The following EXOC1L variants were observed in gnomAD, a reference collection of about 807,000 sequenced individuals.
EXOC1L encodes the protein exocyst complex component 1-like.
Under a neutral mutation model 4.9 loss-of-function variants are expected in EXOC1L, and 10 were observed. The observed-to-expected ratio is 2.02, with a 90% CI of 1.25 to 3.43. EXOC1L has a LOEUF of 3.43. Ranked by LOEUF, EXOC1L falls within the 30% of genes most tolerant of loss-of-function variation. EXOC1L has a pLI of 0.00. For missense variants in EXOC1L, 114 were observed against 59.4 expected (o/e 1.92, Z -3.02); for synonymous variants, 41 against 20.8 (o/e 1.97, Z -2.63).
chr4:55,819,804 G>T lies in EXOC1L; in HGVS notation c.-223G>T. 2 of 325,202 alleles carry T rather than the reference G, an allele frequency of 6.2e-6. 1 individual carries two copies. Among genetic ancestry groups the T allele is most frequent in the East Asian group, 9.5e-5 (2 of 21,132 alleles). 20.1% of individuals were successfully genotyped at this position (325,202 alleles called of 1,614,324 possible). A position where few individuals can be genotyped will look rare whatever the true frequency, so the allele number is the denominator to read the frequency against. On this transcript the variant is annotated 5_prime_UTR_variant, in exon 1 of 3. Coordinates refer to ENST00000636125, the MANE Select transcript of EXOC1L (RefSeq NM_001351574.3). Reference sequence around the variant, plus strand: ...AGGCTGCTGTATTTTGGCTGCCGCCGCCGCTGCTGCCACTGGGCAGATACC... The same window carrying T: ...AGGCTGCTGTATTTTGGCTGCCGCCTCCGCTGCTGCCACTGGGCAGATACC...
At chr4:55,830,566 T>C (rs1720004675) in intron 1 of EXOC1L, among the ~76,000 whole-genome samples, 1 of 152,120 alleles carries the variant, frequency 6.6e-6, no homozygotes, top group African/African-American at 2.4e-5. Flanking sequence ...AGCTCTATGC[T>C]CAAATATTGA....
At chr4:55,829,398 T>G (rs1719967293) in intron 1 of EXOC1L, among the ~76,000 whole-genome samples, 1 of 152,154 alleles carries the variant, frequency 6.6e-6, no homozygotes, top group Non-Finnish European at 1.5e-5. Flanking sequence ...AGAGGTGGTG[T>G]CATGATTTAA....
chr4:55,826,383 G>A (rs1249574427), intron 1 of EXOC1L, among the ~76,000 whole-genome samples: 1 of 152,092 alleles, frequency 6.6e-6, no homozygotes, highest in Non-Finnish European at 1.5e-5. Context: ...ATCGGGCAAT[G>A]TTTCTTCCAT....
intron 1 of EXOC1L, among the ~76,000 whole-genome samples, 165 bp from the exon 2 acceptor site, chr4:55,831,169 A>G (rs931313623): frequency 1.3e-5 from 2 of 152,204 alleles, no homozygotes; most frequent in African/African-American, 4.8e-5. Context: ...TTGGGGGCAT[A>G]CTGTGAAGAT....
At chr4:55,827,521 T>C (rs760780247) in intron 1 of EXOC1L, among the ~76,000 whole-genome samples, 3 of 152,228 alleles carry the variant, frequency 2.0e-5, no homozygotes, top group Non-Finnish European at 4.4e-5. Flanking sequence ...TGAGATTTAA[T>C]GTTTTCAATT....
intron 1 of EXOC1L, among the ~76,000 whole-genome samples, chr4:55,830,387 A>G (rs1418761288): frequency 6.6e-6 from 1 of 152,166 alleles, no homozygotes; most frequent in Admixed American, 6.6e-5. Context: ...TGTATGTGAC[A>G]TGTGTGTTAG....
At position 55,835,569 on chromosome 4, in the gene EXOC1L, T is replaced by C. The variant is rs374984200; in HGVS notation, c.253-1516T>C. Among the ~76,000 whole-genome samples, 19 of 152,188 alleles carry C rather than the reference T, an allele frequency of 1.2e-4. No homozygotes were observed. The South Asian group carries it at 3.7e-3, about 30-fold the overall frequency. On this transcript the variant is annotated intron_variant, in intron 2 of 2. Coordinates refer to ENST00000636125, the MANE Select transcript of EXOC1L (RefSeq NM_001351574.3). Reference sequence around the variant, plus strand: ...TCATTCTTGCAGGAGTAAGGTGGTATTGCATAGTGGTTTTTATTTGCATTT... The same window carrying C: ...TCATTCTTGCAGGAGTAAGGTGGTACTGCATAGTGGTTTTTATTTGCATTT...
intron 1 of EXOC1L, among the ~76,000 whole-genome samples, chr4:55,825,014 T>G (rs991354847): frequency 1.3e-5 from 2 of 152,210 alleles, no homozygotes; most frequent in African/African-American, 4.8e-5. Context: ...GGAGCTTGAT[T>G]TCAGAGCTTT....
chr4:55,833,365 A>C (rs1001695382), intron 2 of EXOC1L, among the ~76,000 whole-genome samples: 1 of 151,936 alleles, frequency 6.6e-6, no homozygotes, highest in African/African-American at 2.4e-5. Context: ...ATGTTTTTAC[A>C]AAAAATATGT....
intron 1 of EXOC1L, among the ~76,000 whole-genome samples, chr4:55,825,224 G>T (rs958693552): frequency 3.3e-5 from 5 of 152,072 alleles, no homozygotes; most frequent in Non-Finnish European, 7.4e-5. Context: ...GGAAACCATA[G>T]GTCACAAGAA....
chr4:55,821,221 C>T (rs1719728737), intron 1 of EXOC1L, among the ~76,000 whole-genome samples: 1 of 152,032 alleles, frequency 6.6e-6, no homozygotes, highest in Admixed American at 6.5e-5. Context: ...CCAATAATAA[C>T]ATTAGAAATA....
At chr4:55,835,098 G>T (rs1720127063) in intron 2 of EXOC1L, among the ~76,000 whole-genome samples, 1 of 151,642 alleles carries the variant, frequency 6.6e-6, no homozygotes. Context: ...CCATTCCTGA[G>T]TTACTTCTCT....
At chr4:55,829,143 C>A (rs78932339) in intron 1 of EXOC1L, among the ~76,000 whole-genome samples, 1 of 152,104 alleles carries the variant, frequency 6.6e-6, no homozygotes. Context: ...TTTTCCACGT[C>A]TTTATCCATG....
At chr4:55,827,349 T>C (rs1298936230) in intron 1 of EXOC1L, among the ~76,000 whole-genome samples, 2 of 152,150 alleles carry the variant, frequency 1.3e-5, no homozygotes, top group Non-Finnish European at 2.9e-5. Flanking sequence ...TCAGGTTACC[T>C]CTCTCAGGAA....
intron 2 of EXOC1L, among the ~76,000 whole-genome samples, chr4:55,835,166 T>C (rs989210844): frequency 7.3e-5 from 11 of 151,624 alleles, no homozygotes; most frequent in African/African-American, 2.4e-4. Flanking sequence ...TTTCATTCCT[T>C]TTTATGGCTG....
intron 2 of EXOC1L, among the ~76,000 whole-genome samples, chr4:55,834,451 T>C (rs1440259633): frequency 6.6e-6 from 1 of 151,954 alleles, no homozygotes. Context: ...GTTCTAGCAT[T>C]CTATCAAAAA....
intron 2 of EXOC1L, among the ~76,000 whole-genome samples, chr4:55,831,850 C>T (rs1051602059): frequency 6.6e-6 from 1 of 152,036 alleles, no homozygotes; most frequent in Non-Finnish European, 1.5e-5. Context: ...TTACCATCAG[C>T]AAGCCCACTT....
chr4:55,825,312 C>A (rs942291247), intron 1 of EXOC1L, among the ~76,000 whole-genome samples: 2 of 152,166 alleles, frequency 1.3e-5, no homozygotes, highest in African/African-American at 2.4e-5. Flanking sequence ...TACCATATTG[C>A]TTCTAACCAG....
At chr4:55,828,305 G>T (rs1719935163) in intron 1 of EXOC1L, among the ~76,000 whole-genome samples, 1 of 152,154 alleles carries the variant, frequency 6.6e-6, no homozygotes, top group Admixed American at 6.6e-5. Flanking sequence ...CCCTCATGGA[G>T]GAAATTCACG....
Sources: allele counts gnomAD v4.1 joint callset (sites outside exome capture counted in the v4.1 genomes callset), GRCh38; gene constraint gnomAD v4.1.1; transcripts MANE v1.5; gene names NCBI Gene and HGNC (gene_info 2026-07-23, HGNC 2026-07-21).